Variants in POLR2E observed in about 807,000 individuals in gnomAD.
POLR2E encodes the protein RNA polymerase II, I and III subunit E, also known as DNA-directed RNA polymerases I, II, and III subunit RPABC1.
A neutral mutation model predicts 29.8 loss-of-function variants in POLR2E; 35 were observed. That is an observed-to-expected ratio of 1.17 (90% confidence interval 0.90 to 1.55). POLR2E has a LOEUF of 1.55. Among genes scored for constraint, POLR2E ranks in the 40% most tolerant of loss-of-function variants. The pLI, the probability that POLR2E is intolerant of heterozygous loss-of-function variation, is 0.00. For synonymous variants in POLR2E, 174 were observed against 112.6 expected (o/e 1.55, Z -3.45); for missense variants, 287 against 288.6 (o/e 0.99, Z 0.04).
Position 1,087,778 on chromosome 19 carries a change from G to T in POLR2E, c.*957C>A, listed in dbSNP as rs1034648414. The T allele has an allele frequency of 2.0e-5, 3 of 152,372 alleles. No individual in the cohort carries two copies. The highest frequency in any genetic ancestry group is 7.2e-5 in the African/African-American group (3 of 41,464). 9.4% of individuals were successfully genotyped at this position (152,372 alleles called of 1,614,324 possible). On this transcript the variant is annotated 3_prime_UTR_variant, in exon 8 of 8. Coordinates refer to ENST00000615234, the MANE Select transcript of POLR2E (RefSeq NM_002695.5). ...TGCACAGAACAGTGGGCGCGTTACA[G>T]ACCACCGACCGCCCGAGGGTGAATT...
In POLR2E at chr19:1,094,016, G is replaced by A; in HGVS notation, c.120C>T (p.Phe40=). The change falls in exon 2 of 8, where the codon TTC becomes TTT. Residue 40 remains phenylalanine (F), a synonymous_variant. Coordinates refer to ENST00000615234, the MANE Select transcript of POLR2E (RefSeq NM_002695.5). Reference sequence around the variant, plus strand: ...TCGGCTTGTCCCCAGATTGGGCTTTGAACTCCTCCAGGGTCTGGTCAAGCT... The same window carrying A: ...TCGGCTTGTCCCCAGATTGGGCTTTAAACTCCTCCAGGGTCTGGTCAAGCT... ...QDELDQTLEE[F]KAQSGDKPSE... is the part of the protein sequence containing the mutation. The A allele has an allele frequency of 6.2e-7, 1 of 1,613,804 alleles. No homozygotes were observed.
chr19:1,093,768 G>A (rs1359202779), intron 2 of POLR2E, 136 bp downstream of exon 2: 8 of 1,416,646 alleles, frequency 5.6e-6, no homozygotes, highest in Non-Finnish European at 7.4e-6. Context: ...CAAGGAAGGG[G>A]AGGGGAGTTT....
intron 2 of POLR2E, 23 bp downstream of exon 2, chr19:1,093,881 C>G (rs778280379): frequency 6.5e-7 from 1 of 1,549,720 alleles, no homozygotes; most frequent in South Asian, 1.2e-5. Context: ...TTCACCGGAA[C>G]TCCCCCGGGA....
chr19:1,094,886 A>G, intron 1 of POLR2E: 1 of 252,282 alleles, frequency 4.0e-6, no homozygotes, highest in Non-Finnish European at 7.6e-6. Flanking sequence ...GATGCTGAAG[A>G]CTCCATGGGG....
chr19:1,095,348 C>G lies in POLR2E; in HGVS notation c.-33G>C. 2 of 1,611,906 alleles carry G rather than the reference C, an allele frequency of 1.2e-6. No individual in the cohort carries two copies. Among genetic ancestry groups the G allele is most frequent in the Non-Finnish European group, 1.7e-6 (2 of 1,179,164 alleles). On this transcript the variant is annotated 5_prime_UTR_variant, in exon 1 of 8. Transcript: ENST00000615234. ...TCCGCCGCCGCCGCCGCTCGCACCC[C>G]TTCTCCGCGCGAGAACCCGCGCGGA...
At chr19:1,092,264 A>C (rs2043849590) in intron 2 of POLR2E, 2 of 225,050 alleles carry the variant, frequency 8.9e-6, no homozygotes, top group African/African-American at 2.3e-5. Flanking sequence ...ACACCCCAGG[A>C]CGCTCTCTTT....
At chr19:1,091,957 C>G (rs780199593) in intron 2 of POLR2E, 50 bp from the exon 3 acceptor site, 1 of 1,325,716 alleles carries the variant, frequency 7.5e-7, no homozygotes. Flanking sequence ...CCTCGTGGCC[C>G]TCGCCCACCC....
intron 6 of POLR2E, 128 bp downstream of exon 6, chr19:1,089,756 G>C: frequency 1.2e-6 from 1 of 816,762 alleles, no homozygotes; most frequent in Non-Finnish European, 2.0e-6. Context: ...GATATTGGGG[G>C]TGTGGTCTCG....
intron 7 of POLR2E, among the ~76,000 whole-genome samples, chr19:1,088,958 T>G (rs1039944096): frequency 6.6e-6 from 1 of 151,970 alleles, no homozygotes; most frequent in Non-Finnish European, 1.5e-5. Context: ...GGGCTGAGTG[T>G]GAAGTGGGGC....
At chr19:1,090,542 CG>C (rs2043807560) in intron 4 of POLR2E, among the ~76,000 whole-genome samples, 1 of 150,210 alleles carries the variant, frequency 6.7e-6, no homozygotes, top group African/African-American at 2.5e-5. Flanking sequence ...CTCGGCTCCC[CG>C]AGTAGCTGGG....
chr19:1,091,559 C>T (rs1209298151), intron 3 of POLR2E: 6 of 556,294 alleles, frequency 1.1e-5, no homozygotes, highest in African/African-American at 5.7e-5. Context: ...CAGTGCCCTC[C>T]GCCCTGACGC....
rs961226248 is a variant in POLR2E, at chr19:1,089,710, C to G, written c.568-159G>C. The G allele has an allele frequency of 1.6e-5, 13 of 788,228 alleles. No individual in the cohort carries two copies. In the African/African-American group the frequency reaches 2.0e-4, roughly 12 times the overall value. 48.8% of individuals were successfully genotyped at this position (788,228 alleles called of 1,614,324 possible). ...GCTCCCTGGGAACCTGGGTCACGCT[C>G]TTCTCTGGGCCCAGTGGCCCTGGCT... is the stretch of plus-strand genomic sequence containing the variant. On this transcript the variant is annotated intron_variant, in intron 6 of 7. Transcript: ENST00000615234.
At chr19:1,089,641 G>A in intron 6 of POLR2E, 90 bp from the exon 7 acceptor site, 1 of 1,122,180 alleles carries the variant, frequency 8.9e-7, no homozygotes, top group Non-Finnish European at 1.3e-6. Context: ...GGCTGGGGAT[G>A]GCCGGCAGGG....
chr19:1,091,774 T>TGGGGCTGTGGGGGGGGGGGG lies in POLR2E; in HGVS notation c.348+17_348+18insCCCCCCCCCCCCACAGCCCC. 1 of 1,245,672 alleles carries TGGGGCTGTGGGGGGGGGGGG rather than the reference T, an allele frequency of 8.0e-7. No homozygotes were observed. The highest frequency in any genetic ancestry group is 1.1e-6 in the Non-Finnish European group (1 of 930,200). The allele number at this position is 1,245,672 out of a possible 1,614,324, so 77.2% of individuals were successfully genotyped here. A position where few individuals can be genotyped will look rare whatever the true frequency, so the allele number is the denominator to read the frequency against. ...TGGGGAGGGGGAGAGGCTGGCGGGG[T>TGGGGCTGTGGGGGGGGGGGG]GGGGCAGGGGTGCCCACCTGCTTGG... On this transcript the variant is annotated intron_variant, in intron 3 of 7. Coordinates refer to ENST00000615234, the MANE Select transcript of POLR2E (RefSeq NM_002695.5).
chr19:1,095,323 T>G lies in POLR2E; in HGVS notation c.-8A>C, dbSNP rs2145152632. The G allele has an allele frequency of 1.3e-6, 2 of 1,598,930 alleles. No homozygotes were observed. On this transcript the variant is annotated 5_prime_UTR_variant, in exon 1 of 8. Transcript: ENST00000615234. ...CTCCTCCTCGTCGTCCATGGCAGCC[T>G]CCGCCGCCGCCGCCGCTCGCACCCC...
chr19:1,093,929 G>T lies in POLR2E; in HGVS notation c.207C>A (p.Thr69=), dbSNP rs759608143. 7 of 1,609,770 alleles carry T rather than the reference G, an allele frequency of 4.3e-6. No homozygotes were observed. Among genetic ancestry groups the T allele is most frequent in the Non-Finnish European group, 5.9e-6 (7 of 1,178,198 alleles). ...TVLVAHNDDP[T]DQMFVFFPEE... ...CTGGAAAGAACACAAACATCTGGTC[G>T]GTGGGGTCATCGTTGTGGGCCACCA... Residue 69 remains threonine (T), a synonymous_variant, in exon 2 of 8, where the codon ACC becomes ACA. Transcript: ENST00000615234.
At position 1,090,143 on chromosome 19, in the gene POLR2E, T is replaced by A; in HGVS notation, c.432A>T (p.Leu144=). 1 of 1,612,382 alleles carries A rather than the reference T, an allele frequency of 6.2e-7. No homozygotes were observed. Among genetic ancestry groups the A allele is most frequent in the Non-Finnish European group, 8.5e-7 (1 of 1,179,816 alleles). Residue 144 remains leucine (L), a splice_region_variant and synonymous_variant, in exon 5 of 8, where the codon CTA becomes CTT. Coordinates refer to ENST00000615234, the MANE Select transcript of POLR2E (RefSeq NM_002695.5). ...ELLINITEHE[L]VPEHVVMTKE... ...TGGTCATGACGACGTGCTCAGGGAC[T>A]AGCTGCCGAGAGAGGAAGCCACCAG...
chr19:1,094,982 T>C, intron 1 of POLR2E: 1 of 372,948 alleles, frequency 2.7e-6, no homozygotes, highest in Non-Finnish European at 4.8e-6. Context: ...CGCGGCTTCC[T>C]CCTCCTCTCG....
intron 2 of POLR2E, among the ~76,000 whole-genome samples, chr19:1,093,530 C>T (rs888312191): frequency 4.6e-5 from 7 of 152,054 alleles, no homozygotes; most frequent in African/African-American, 1.7e-4. Context: ...AAGGAGGCTG[C>T]GCTGACCCAG....
Sources: allele counts gnomAD v4.1 joint callset (sites outside exome capture counted in the v4.1 genomes callset), GRCh38; gene constraint gnomAD v4.1.1; transcripts MANE v1.5; gene names NCBI Gene and HGNC (gene_info 2026-07-23, HGNC 2026-07-21).